Variants in RASA3 observed in about 807,000 individuals in gnomAD.
The protein encoded by RASA3 is RAS p21 protein activator 3.
Under a neutral mutation model 110.0 loss-of-function variants are expected in RASA3, and 73 were observed. The ratio of observed to expected loss-of-function variants is 0.66; its 90% CI spans 0.55 to 0.81. The LOEUF (loss-of-function observed/expected upper bound fraction) is 0.81, where lower values mean the gene tolerates loss of function less well. Among genes scored for constraint, RASA3 ranks in the 30% least tolerant of loss-of-function variants. RASA3 has a pLI of 0.00. For missense variants in RASA3, 976 were observed against 1,113.2 expected (o/e 0.88, Z 1.75); for synonymous variants, 500 against 451.4 (o/e 1.11, Z -1.37).
intron 22 of RASA3, among the ~76,000 whole-genome samples, chr13:113,989,852 G>A (rs2053067138): frequency 6.6e-6 from 1 of 152,240 alleles, no homozygotes; most frequent in Non-Finnish European, 1.5e-5. Context: ...TGGAAGCTGA[G>A]GAGATGGGAG....
chr13:114,016,059 G>A, intron 13 of RASA3, 138 bp downstream of exon 13: 1 of 690,806 alleles, frequency 1.4e-6, no homozygotes, highest in Non-Finnish European at 2.6e-6. Context: ...CTGCAGCCGG[G>A]TGAGGCGGGT....
At position 114,073,815 on chromosome 13, in the gene RASA3, A is replaced by G. The variant is rs1163662415; in HGVS notation, c.78T>C (p.Ser26=). 2 of 1,614,192 alleles carry G rather than the reference A, an allele frequency of 1.2e-6. No individual in the cohort carries two copies. The highest frequency in any genetic ancestry group is 3.3e-5 in the Admixed American group (2 of 60,024). The change falls in exon 2 of 24, where the codon TCT becomes TCC. Residue 26 remains serine, a synonymous_variant. Transcript: ENST00000334062. ...CCCTCATCTTGCTCGGCCCCGGGTA[A>G]GAGGGAAGGTTTTTGGCTTCACCTA... ...IKIGEAKNLP[S]YPGPSKMRDC... is the part of the protein sequence containing the mutation.
chr13:114,019,545 C>T (rs1047311048), intron 9 of RASA3, among the ~76,000 whole-genome samples: 1 of 149,770 alleles, frequency 6.7e-6, no homozygotes, highest in Non-Finnish European at 1.5e-5. Flanking sequence ...AAGGCATTAG[C>T]CCCCGTCAGG....
rs1043262104 is a variant in RASA3, at chr13:114,011,546, G to A, written c.1513-298C>T. 5.3e-5 allele frequency among the ~76,000 whole-genome samples: 8 copies of A among 152,136 alleles called. No homozygotes were observed. Among genetic ancestry groups the A allele is most frequent in the African/African-American group, 1.9e-4 (8 of 41,410 alleles). Reference sequence around the variant, plus strand: ...AAGCATCAGGTGGGGTCATGGCTCTGGGGCGCTGAGTCTCGGGGTGCTGAG... The same window carrying A: ...AAGCATCAGGTGGGGTCATGGCTCTAGGGCGCTGAGTCTCGGGGTGCTGAG... On this transcript the variant is annotated intron_variant, in intron 15 of 23. Transcript: ENST00000334062. This position sits in a 1 kb window ranked among gnomAD's most constrained non-coding sequence, Gnocchi z 4.8.
chr13:114,118,888 T>C (rs8001161), intron 1 of RASA3, among the ~76,000 whole-genome samples: 42,232 of 152,262 alleles, frequency 0.28, 5,945 homozygotes, highest in Middle Eastern at 0.47. Context: ...GCCTTGGGTG[T>C]GGGCAGCGAC....
chr13:113,991,149 G>A (rs8002714), intron 22 of RASA3, among the ~76,000 whole-genome samples: 1 of 72,138 alleles, frequency 1.4e-5, no homozygotes, highest in East Asian at 3.1e-4. Context: ...GAGATCAGGC[G>A]TGGCCAAGCT....
rs1484857519 is a variant in RASA3 at position 114,096,130 on chromosome 13, G to A, written c.56-22293C>T. Among the ~76,000 whole-genome samples the A allele has an allele frequency of 6.6e-6, 1 of 150,748 alleles. No homozygotes were observed. The highest frequency in any genetic ancestry group is 6.6e-5 in the Admixed American group (1 of 15,170). On this transcript the variant is annotated intron_variant, in intron 1 of 23. Coordinates refer to ENST00000334062, the MANE Select transcript of RASA3 (RefSeq NM_007368.4). This position sits in a 1 kb window ranked among gnomAD's most constrained non-coding sequence, Gnocchi z 5.1. Reference sequence around the variant, plus strand: ...GTGTGCTGGGAAGGGGGTGCTCTCTGGGTGGCCTGGGTGGCATCGGTGTGC... The same window carrying A: ...GTGTGCTGGGAAGGGGGTGCTCTCTAGGTGGCCTGGGTGGCATCGGTGTGC...
intron 9 of RASA3, among the ~76,000 whole-genome samples, 184 bp from the exon 10 acceptor site, chr13:114,019,103 C>A (rs2053859646): frequency 6.6e-6 from 1 of 151,986 alleles, no homozygotes; most frequent in Admixed American, 6.5e-5. Context: ...CACCGGGGAT[C>A]CCCAGGAGGC....
In RASA3 at chr13:114,017,434, C is replaced by T. The variant is rs2053819496; in HGVS notation, c.1092-83G>A. ...AGCAGAGCCTGGCCCCGAGCACCTG[C>T]CTGTGGGCTGTGAGGTCAGTGCACG... On this transcript the variant is annotated intron_variant, in intron 11 of 23. Transcript: ENST00000334062. The T allele has an allele frequency of 1.5e-5, 17 of 1,152,806 alleles. No homozygotes were observed. The South Asian group carries it at 2.0e-4, about 13-fold the overall frequency. 71.4% of individuals were successfully genotyped at this position (1,152,806 alleles called of 1,614,324 possible).
At position 114,015,417 on chromosome 13, in the gene RASA3, G is replaced by A. The variant is rs41291217; in HGVS notation, c.1282-85C>T. The stretch of plus-strand genomic sequence containing the variant: ...CCAGGGCACGCCCAGGGAGGGGCGC[G>A]TGGGGAGGGGCTGAGGGCGGGCGCA... On this transcript the variant is annotated intron_variant, in intron 13 of 23. Coordinates refer to ENST00000334062, the MANE Select transcript of RASA3 (RefSeq NM_007368.4). The A allele has an allele frequency of 9.2e-3, 14,309 of 1,557,978 alleles. 94 individuals are homozygous for A. The highest frequency in any genetic ancestry group is 0.011 in the Non-Finnish European group (13,036 of 1,147,470).
rs376043853 is a variant in RASA3 at position 114,073,757 on chromosome 13, C to T, written c.136G>A (p.Glu46Lys). The change falls in exon 2 of 24, where the codon GAG becomes AAG. Residue 46 changes from glutamate (E) to lysine (K), a missense_variant. Around this residue, in one of 4 missense-constraint regions of RASA3, gnomAD observed 732 missense variants for 779.7 expected, o/e 0.94. Coordinates refer to ENST00000334062, the MANE Select transcript of RASA3 (RefSeq NM_007368.4). ...TCCACAATTTTGGTCCTGAAAACCT[C>T]CTCCTGGTCCAGGTTCACCGTGCAG... The part of the protein sequence containing the change: ...CYCTVNLDQE[E>K]VFRTKIVEKS... 6.2e-6 allele frequency: 10 copies of T among 1,614,122 alleles called. No homozygotes were observed. Among genetic ancestry groups the T allele is most frequent in the African/African-American group, 1.3e-5 (1 of 74,936 alleles).
rs1404524940 is a variant in RASA3, at chr13:114,099,415, G to T, written c.56-25578C>A. Among the ~76,000 whole-genome samples, 4 of 151,962 alleles carry T rather than the reference G, an allele frequency of 2.6e-5. 1 individual carries two copies. The South Asian group carries it at 8.3e-4, about 31-fold the overall frequency. On this transcript the variant is annotated intron_variant, in intron 1 of 23. Coordinates refer to ENST00000334062, the MANE Select transcript of RASA3 (RefSeq NM_007368.4). ...TCTTGTGGGTGGGTGCTGGGTCGGG[G>T]AGGGAGGGCGACTGCCTCTCCCTTT...
intron 1 of RASA3, among the ~76,000 whole-genome samples, chr13:114,110,544 T>C (rs532411397): frequency 6.6e-6 from 1 of 152,292 alleles, no homozygotes; most frequent in South Asian, 2.1e-4. Flanking sequence ...GCCACCTTCC[T>C]TACACGGCTT....
At position 114,130,741 on chromosome 13, in the gene RASA3, C is replaced by T. The variant is rs958510772; in HGVS notation, c.55+1694G>A. ...GCGAGCATGCTGTGCCGGCTGTGGG[C>T]CCCCCACCCCCGAGCCGCAAAGCCC... On this transcript the variant is annotated intron_variant, in intron 1 of 23. Transcript: ENST00000334062. Among the ~76,000 whole-genome samples, 4 of 152,270 alleles carry T rather than the reference C, an allele frequency of 2.6e-5. No homozygotes were observed. In the South Asian group the frequency reaches 8.3e-4, roughly 32 times the overall value.
chr13:114,047,822 A>C (rs12584311), intron 3 of RASA3, among the ~76,000 whole-genome samples: 54,893 of 152,150 alleles, frequency 0.36, 10,116 homozygotes, highest in Middle Eastern at 0.48. Flanking sequence ...CTGTGGGAAC[A>C]GGCCTCAGAG....
chr13:114,081,132 C>CACCAAGAGTGTCCCACGGCAGAGG (rs1566560885), intron 1 of RASA3, among the ~76,000 whole-genome samples: 1 of 151,994 alleles, frequency 6.6e-6, no homozygotes, highest in African/African-American at 2.4e-5. Context: ...CCACCCAAAA[C>CACCAAGAGTGTCCCACGGCAGAGG]GCAACAGTAC....
In RASA3 at chr13:114,120,558, G is replaced by A. The variant is rs1340831262; in HGVS notation, c.55+11877C>T. On this transcript the variant is annotated intron_variant, in intron 1 of 23. Transcript: ENST00000334062. Reference sequence around the variant, plus strand: ...GGCCCCTCCCTCTCTCCAGCCAGGCGTCGATCAGGGCCCTCCCTCCTCTCT... The same window carrying A: ...GGCCCCTCCCTCTCTCCAGCCAGGCATCGATCAGGGCCCTCCCTCCTCTCT... 9.3e-4 allele frequency among the ~76,000 whole-genome samples: 110 copies of A among 117,648 alleles called. 1 individual carries two copies. The highest frequency in any genetic ancestry group is 3.4e-3 in the African/African-American group (108 of 31,326). 77.2% of individuals were successfully genotyped at this position (117,648 alleles called of 152,430 possible). A position where few individuals can be genotyped will look rare whatever the true frequency, so the allele number is the denominator to read the frequency against.
At chr13:114,062,291 CT>C (rs1395491099) in intron 2 of RASA3, among the ~76,000 whole-genome samples, 1 of 151,560 alleles carries the variant, frequency 6.6e-6, no homozygotes, top group South Asian at 2.1e-4. Context: ...CAACAAATTG[CT>C]TTTTTTTAAG....
At chr13:114,119,521 C>G (rs1466189447) in intron 1 of RASA3, among the ~76,000 whole-genome samples, 4 of 144,192 alleles carry the variant, frequency 2.8e-5, no homozygotes, top group Non-Finnish European at 6.2e-5. Flanking sequence ...ATCAGTGCCC[C>G]CCTCCCCTCT....
Sources: gnomAD v4.1 joint callset for allele counts (sites outside exome capture counted in the v4.1 genomes callset) on GRCh38, gnomAD v4.1.1 for gene constraint, gnomAD v4.1.1 regional missense constraint, Gnocchi (gnomAD v3.1) non-coding constraint, MANE v1.5 for transcripts, NCBI Gene and HGNC (gene_info 2026-07-23, HGNC 2026-07-21) for gene names.